GPBP1L1: variants seen among roughly 807,000 people sequenced by gnomAD.
GPBP1L1 encodes vasculin-like protein 1.
Under a neutral mutation model 52.5 loss-of-function variants are expected in GPBP1L1, and 23 were observed. The ratio of observed to expected loss-of-function variants is 0.44; its 90% CI spans 0.32 to 0.62. The LOEUF (loss-of-function observed/expected upper bound fraction) is 0.62, where lower values mean the gene tolerates loss of function less well. Among genes scored for constraint, GPBP1L1 ranks in the 20% least tolerant of loss-of-function variants. The probability of loss-of-function intolerance (pLI) is 0.06; values close to 1 mark genes in which losing one functional copy is unlikely to be tolerated. For missense variants in GPBP1L1, 596 were observed against 579.3 expected, an observed-to-expected ratio of 1.03 and a Z score of -0.30; for synonymous variants, 243 against 203.1, an observed-to-expected ratio of 1.20 and a Z score of -1.67.
intron 2 of GPBP1L1, among the ~76,000 whole-genome samples, chr1:45,673,837 C>T (rs1298665389): frequency 1.3e-5 from 2 of 152,114 alleles, no homozygotes; most frequent in Non-Finnish European, 2.9e-5. Context: ...CCAGGCCAGG[C>T]AACAGAGCAA....
intron 2 of GPBP1L1, among the ~76,000 whole-genome samples, chr1:45,663,859 C>A (rs190954196): frequency 1.3e-5 from 2 of 152,236 alleles, no homozygotes; most frequent in African/African-American, 4.8e-5. Context: ...TCTTTTAGGG[C>A]TGTGGCTATT....
chr1:45,672,349 A>C lies in GPBP1L1; in HGVS notation c.-1097-11124T>G, dbSNP rs544771106. On this transcript the variant is annotated intron_variant, in intron 2 of 12. Transcript: ENST00000355105. ...TGCATTCCAGCCCAGGCGACAAAAAAAAAAAAAAAAGGATTTATTCTTAGG... is the reference window on the plus strand; with the variant it reads ...TGCATTCCAGCCCAGGCGACAAAAACAAAAAAAAAAGGATTTATTCTTAGG... Among the ~76,000 whole-genome samples the C allele has an allele frequency of 2.6e-5, 4 of 152,182 alleles. No individual in the cohort carries two copies. In the East Asian group the frequency reaches 7.7e-4, roughly 29 times the overall value.
At chr1:45,687,454 G>A (rs1377551334), upstream of GPBP1L1, 2 of 152,336 alleles carry the variant, frequency 1.3e-5, no homozygotes, top group Non-Finnish European at 2.9e-5. Flanking sequence ...GAATCCGGAG[G>A]ATTGGAGGGA....
At chr1:45,633,296 C>A (rs1351825430) in intron 10 of GPBP1L1, among the ~76,000 whole-genome samples, 193 bp downstream of exon 10, 8 of 152,084 alleles carry the variant, frequency 5.3e-5, no homozygotes, top group Non-Finnish European at 8.8e-5. Flanking sequence ...TAAAATAAAC[C>A]CGAATTTAAC....
At chr1:45,643,760 T>C (rs541812978) in intron 6 of GPBP1L1, among the ~76,000 whole-genome samples, 1 of 145,538 alleles carries the variant, frequency 6.9e-6, no homozygotes, top group African/African-American at 2.5e-5. Flanking sequence ...ACCTCCACTT[T>C]CCAGGTTCAA....
chr1:45,646,850 C>A (rs2148453494), intron 6 of GPBP1L1, among the ~76,000 whole-genome samples: 1 of 152,240 alleles, frequency 6.6e-6, no homozygotes, highest in South Asian at 2.1e-4. Context: ...AGCCACCGTA[C>A]CCGGCCACTT....
chr1:45,637,783 AGTT>A lies in GPBP1L1; in HGVS notation c.744+2424_744+2426del, dbSNP rs1644614996. Among the ~76,000 whole-genome samples, 3 of 152,286 alleles carry A rather than the reference AGTT, an allele frequency of 2.0e-5. No homozygotes were observed. The South Asian group carries it at 6.2e-4, about 32-fold the overall frequency. Reference sequence around the variant, plus strand: ...ACTCTCAAGAAATGGGACAAACATAAGTTGTGCTGGCAGGTTGGTAACAATAGC... The same window carrying A: ...ACTCTCAAGAAATGGGACAAACATAAGTGCTGGCAGGTTGGTAACAATAGC... On this transcript the variant is annotated intron_variant, in intron 8 of 12. Coordinates refer to ENST00000355105, the MANE Select transcript of GPBP1L1 (RefSeq NM_021639.5).
intron 6 of GPBP1L1, among the ~76,000 whole-genome samples, chr1:45,647,320 T>C (rs935143952): frequency 3.3e-5 from 5 of 152,162 alleles, no homozygotes; most frequent in African/African-American, 1.2e-4. Context: ...TATCTGAACC[T>C]TTCCTTTCGT....
chr1:45,660,321 T>C lies in GPBP1L1; in HGVS notation c.-193A>G. On this transcript the variant is annotated 5_prime_UTR_variant, in exon 3 of 13. Transcript: ENST00000355105. ...TATGATGAAGCACGAAGAAGCCAGG[T>C]TCTGTGTCGATCACTCTCTCAGTCC... 1 of 985,322 alleles carries C rather than the reference T, an allele frequency of 1.0e-6. No homozygotes were observed. Among genetic ancestry groups the C allele is most frequent in the South Asian group, 4.7e-5 (1 of 21,276 alleles). 61.0% of individuals were successfully genotyped at this position (985,322 alleles called of 1,614,324 possible).
chr1:45,675,861 T>G (rs1645133240), intron 2 of GPBP1L1, among the ~76,000 whole-genome samples: 1 of 152,200 alleles, frequency 6.6e-6, no homozygotes, highest in African/African-American at 2.4e-5. Flanking sequence ...TCTTAAGAGC[T>G]ATCCTTGAGC....
At chr1:45,675,205 G>A (rs966968703) in intron 2 of GPBP1L1, among the ~76,000 whole-genome samples, 13 of 152,168 alleles carry the variant, frequency 8.5e-5, no homozygotes, top group Admixed American at 7.8e-4. Flanking sequence ...GCTGAGGCAG[G>A]AGAATCGCTT....
chr1:45,658,013 G>C (rs948463662), intron 4 of GPBP1L1, among the ~76,000 whole-genome samples: 1 of 152,050 alleles, frequency 6.6e-6, no homozygotes, highest in Non-Finnish European at 1.5e-5. Flanking sequence ...TCCTCTATTC[G>C]CTGGCAAAAT....
intron 2 of GPBP1L1, among the ~76,000 whole-genome samples, chr1:45,665,810 C>T (rs1645004018): frequency 1.3e-5 from 2 of 151,330 alleles, no homozygotes; most frequent in South Asian, 4.2e-4. Context: ...TTCTTTTCCA[C>T]CTGTTACTTT....
intron 2 of GPBP1L1, among the ~76,000 whole-genome samples, chr1:45,680,663 A>AT (rs1645201494): frequency 6.6e-6 from 1 of 152,130 alleles, no homozygotes; most frequent in African/African-American, 2.4e-5. Context: ...CTGGACCTAG[A>AT]TGGCTCTGTC....
chr1:45,684,258 C>CAG lies in GPBP1L1; in HGVS notation c.-1098+1317_-1098+1318insCT, dbSNP rs372171236. Among the ~76,000 whole-genome samples, 14 of 88,480 alleles carry CAG rather than the reference C, an allele frequency of 1.6e-4. No homozygotes were observed. The Admixed American group carries it at 2.0e-3, about 12-fold the overall frequency. The allele number at this position is 88,480 out of a possible 152,430, so 58.0% of individuals were successfully genotyped here. ...GGGCAACAAGAGCGAAACTCCGTCTCAAAAAAAAAAAAAAAAAAAGAAAAA... is the reference window on the plus strand; with the variant it reads ...GGGCAACAAGAGCGAAACTCCGTCTCAGAAAAAAAAAAAAAAAAAAAGAAAAA... On this transcript the variant is annotated intron_variant, in intron 2 of 12. Coordinates refer to ENST00000355105, the MANE Select transcript of GPBP1L1 (RefSeq NM_021639.5).
chr1:45,675,314 TAAATAAAAATAAAA>T (rs1645126265), intron 2 of GPBP1L1, among the ~76,000 whole-genome samples: 1 of 151,526 alleles, frequency 6.6e-6, no homozygotes, highest in Non-Finnish European at 1.5e-5. Context: ...TAAAAATAAA[TAAATAAAAATAAAA>T]AAATAAAAAA....
At chr1:45,677,394 C>G (rs1458233015) in intron 2 of GPBP1L1, among the ~76,000 whole-genome samples, 1 of 151,154 alleles carries the variant, frequency 6.6e-6, no homozygotes, top group Non-Finnish European at 1.5e-5. Context: ...GTTGTAGTCC[C>G]AACTACTTGG....
chr1:45,628,239 T>C lies in GPBP1L1; in HGVS notation c.*17A>G, dbSNP rs759279789. 52 of 1,612,600 alleles carry C rather than the reference T, an allele frequency of 3.2e-5. No homozygotes were observed. The highest frequency in any genetic ancestry group is 4.2e-5 in the Non-Finnish European group (50 of 1,179,108). On this transcript the variant is annotated 3_prime_UTR_variant, in exon 13 of 13. Transcript: ENST00000355105. ...CAGAGTTTACTGGGTCAGATTTAACTGTGAGCATTTATATGCCTACTTCCA... is the reference window on the plus strand; with the variant it reads ...CAGAGTTTACTGGGTCAGATTTAACCGTGAGCATTTATATGCCTACTTCCA...
intron 2 of GPBP1L1, among the ~76,000 whole-genome samples, chr1:45,673,365 G>T (rs1645098029): frequency 6.6e-6 from 1 of 152,200 alleles, no homozygotes; most frequent in Non-Finnish European, 1.5e-5. Context: ...GAACTACAGA[G>T]ATACAGCAGA....
Sources: gnomAD v4.1 joint callset for allele counts (sites outside exome capture counted in the v4.1 genomes callset) on GRCh38, gnomAD v4.1.1 for gene constraint, MANE v1.5 for transcripts, NCBI Gene and HGNC (gene_info 2026-07-23, HGNC 2026-07-21) for gene names.